CACNB2: variants seen among roughly 807,000 people sequenced by gnomAD.
The protein encoded by CACNB2 is voltage-dependent L-type calcium channel subunit beta-2.
CACNB2 carries 42 observed loss-of-function variants against 73.3 expected under a neutral mutation model. The ratio of observed to expected loss-of-function variants is 0.57; its 90% CI spans 0.45 to 0.74. The LOEUF (loss-of-function observed/expected upper bound fraction) is 0.74. Ranked by LOEUF, CACNB2 falls within the 30% of genes least tolerant of loss-of-function variation. The pLI is 0.00. For synonymous variants in CACNB2, 348 were observed against 310.3 expected, an observed-to-expected ratio of 1.12 and a Z score of -1.28; for missense variants, 940 against 853.0, an observed-to-expected ratio of 1.10 and a Z score of -1.27.
chr10:18,272,575 G>A (rs1181868011), intron 2 of CACNB2, among the ~76,000 whole-genome samples: 1 of 152,160 alleles, frequency 6.6e-6, no homozygotes, highest in Non-Finnish European at 1.5e-5. Flanking sequence ...CACGAGTCAT[G>A]GGAAGGACCC....
chr10:18,493,896 C>A (rs757156080), intron 3 of CACNB2, among the ~76,000 whole-genome samples: 2 of 152,142 alleles, frequency 1.3e-5, no homozygotes, highest in Non-Finnish European at 2.9e-5. Context: ...CTACATCTGT[C>A]CCCCGCATCC....
intron 2 of CACNB2, among the ~76,000 whole-genome samples, chr10:18,229,444 CAT>C (rs1297351842): frequency 6.6e-6 from 1 of 152,096 alleles, no homozygotes; most frequent in Non-Finnish European, 1.5e-5. Flanking sequence ...TTTTAAAGTT[CAT>C]GGAGTTAAAT....
At chr10:18,425,237 TGTTG>T (rs139260290) in intron 3 of CACNB2, among the ~76,000 whole-genome samples, 9,546 of 152,302 alleles carry the variant, frequency 0.063, 382 homozygotes, top group Admixed American at 0.1. Flanking sequence ...TCATTATTTT[TGTTG>T]GTTATTTGTA....
Position 18,499,743 on chromosome 10 carries a change from G to A in CACNB2, c.457-1069G>A, listed in dbSNP as rs186919279. On this transcript the variant is annotated intron_variant, in intron 4 of 13. Transcript: ENST00000324631. ...ATGCTTCCAAGCATTTTGGAAGGCCGAGGAAGGCAGATCTCTTGAGCCCAG... is the reference window on the plus strand; with the variant it reads ...ATGCTTCCAAGCATTTTGGAAGGCCAAGGAAGGCAGATCTCTTGAGCCCAG... Among the ~76,000 whole-genome samples, 24 of 106,090 alleles carry A rather than the reference G, an allele frequency of 2.3e-4. No individual in the cohort carries two copies. The East Asian group carries it at 3.3e-3, about 15-fold the overall frequency. 69.6% of individuals were successfully genotyped at this position (106,090 alleles called of 152,430 possible). A position where few individuals can be genotyped will look rare whatever the true frequency, so the allele number is the denominator to read the frequency against.
intron 2 of CACNB2, among the ~76,000 whole-genome samples, chr10:18,388,273 T>A (rs1170854895): frequency 5.9e-5 from 9 of 152,232 alleles, no homozygotes; most frequent in Non-Finnish European, 1.3e-4. Flanking sequence ...CAGTATTTTA[T>A]TAAACGTTCT....
At chr10:18,242,215 A>T (rs1275020436) in intron 2 of CACNB2, among the ~76,000 whole-genome samples, 2 of 151,990 alleles carry the variant, frequency 1.3e-5, no homozygotes, top group African/African-American at 4.8e-5. Flanking sequence ...TTTATGTAAT[A>T]TATATAAAAA....
At chr10:18,233,832 C>G (rs2036319419) in intron 2 of CACNB2, among the ~76,000 whole-genome samples, 1 of 152,152 alleles carries the variant, frequency 6.6e-6, no homozygotes, top group East Asian at 1.9e-4. Context: ...TTTATCAACA[C>G]ACGAATAGCC....
chr10:18,470,614 G>A (rs1385055075), intron 3 of CACNB2, among the ~76,000 whole-genome samples: 1 of 151,750 alleles, frequency 6.6e-6, no homozygotes, highest in Non-Finnish European at 1.5e-5. Flanking sequence ...GCATTGCATG[G>A]AGCCTTTGCA....
chr10:18,188,456 A>G (rs569779834), intron 2 of CACNB2, among the ~76,000 whole-genome samples: 3 of 152,138 alleles, frequency 2.0e-5, no homozygotes, highest in Admixed American at 1.3e-4. Flanking sequence ...AGAGGTACAC[A>G]CAAATGCCAA....
At chr10:18,270,475 T>C (rs576649011) in intron 2 of CACNB2, among the ~76,000 whole-genome samples, 38 of 152,160 alleles carry the variant, frequency 2.5e-4, no homozygotes, top group Non-Finnish European at 3.7e-4. Context: ...TCAAGAGCAA[T>C]CATGGTATTT....
At chr10:18,417,918 A>AG (rs1202595098) in intron 3 of CACNB2, among the ~76,000 whole-genome samples, 1 of 135,882 alleles carries the variant, frequency 7.4e-6, no homozygotes, top group Admixed American at 7.3e-5. Context: ...CCTATTCGTA[A>AG]GGGGAAAAAA....
At chr10:18,166,284 C>A (rs1349575779) in intron 2 of CACNB2, among the ~76,000 whole-genome samples, 1 of 151,944 alleles carries the variant, frequency 6.6e-6, no homozygotes, top group African/African-American at 2.4e-5. Context: ...TTGAGACAGA[C>A]TGTAGTTCTA....
chr10:18,264,250 G>C (rs896168600), intron 2 of CACNB2, among the ~76,000 whole-genome samples: 62 of 152,192 alleles, frequency 4.1e-4, no homozygotes, highest in African/African-American at 1.4e-3. Context: ...ATACAGGTAT[G>C]CAATGCATAA....
At chr10:18,524,026 T>C (rs1227586900) in intron 9 of CACNB2, among the ~76,000 whole-genome samples, 3 of 151,982 alleles carry the variant, frequency 2.0e-5, no homozygotes, top group African/African-American at 7.3e-5. Flanking sequence ...AAAGAAGAAA[T>C]AAATCATCCT....
intron 3 of CACNB2, among the ~76,000 whole-genome samples, chr10:18,460,075 T>G (rs1360035668): frequency 1.3e-5 from 2 of 152,248 alleles, no homozygotes; most frequent in Non-Finnish European, 2.9e-5. Context: ...TTATTATTTA[T>G]GTATGTATAT....
At chr10:18,501,424 T>A (rs1404151722) in intron 5 of CACNB2, among the ~76,000 whole-genome samples, 1 of 152,232 alleles carries the variant, frequency 6.6e-6, no homozygotes, top group Non-Finnish European at 1.5e-5. Flanking sequence ...CTACCCACTG[T>A]TAAGCACTTA....
At chr10:18,176,596 C>T (rs773558944) in intron 2 of CACNB2, among the ~76,000 whole-genome samples, 1 of 150,722 alleles carries the variant, frequency 6.6e-6, no homozygotes, top group Non-Finnish European at 1.5e-5. Context: ...TTTTTCCTGG[C>T]ATTGAAGGAA....
intron 1 of CACNB2, among the ~76,000 whole-genome samples, chr10:18,145,311 A>G (rs1348031531): frequency 6.6e-6 from 1 of 152,186 alleles, no homozygotes; most frequent in African/African-American, 2.4e-5. Context: ...CCGTGTGCAA[A>G]TGAGTTTTCT....
chr10:18,430,162 A>C (rs1243354696), intron 3 of CACNB2, among the ~76,000 whole-genome samples: 1 of 151,846 alleles, frequency 6.6e-6, no homozygotes, highest in Non-Finnish European at 1.5e-5. Context: ...ATTACCTAAA[A>C]TACTAGGGAA....
Sources: allele counts gnomAD v4.1 joint callset (sites outside exome capture counted in the v4.1 genomes callset), GRCh38; gene constraint gnomAD v4.1.1; transcripts MANE v1.5; gene names NCBI Gene and HGNC (gene_info 2026-07-23, HGNC 2026-07-21).